The following MBNL2 variants were observed in gnomAD, a reference collection of about 807,000 sequenced individuals.
MBNL2 encodes muscleblind-like protein 2.
MBNL2 carries 17 observed loss-of-function variants against 41.9 expected under a neutral mutation model. The ratio of observed to expected loss-of-function variants is 0.41; its 90% confidence interval spans 0.28 to 0.61. The LOEUF (loss-of-function observed/expected upper bound fraction) is 0.61, where lower values mean the gene tolerates loss of function less well. Ranked by LOEUF, MBNL2 falls within the 20% of genes least tolerant of loss-of-function variation. The pLI is 0.35. For missense variants in MBNL2, 336 were observed against 505.6 expected (o/e 0.66, Z 3.22); for synonymous variants, 195 against 182.9 (o/e 1.07, Z -0.53).
At chr13:97,225,752 C>A (rs762823615) in intron 1 of MBNL2, among the ~76,000 whole-genome samples, 15 of 152,062 alleles carry the variant, frequency 9.9e-5, no homozygotes, top group Non-Finnish European at 2.1e-4. Flanking sequence ...GCCCTGTTCA[C>A]GAAATCTGCT....
At chr13:97,191,185 G>T in the MBNL2 span, among the ~76,000 whole-genome samples, 1 of 151,658 alleles carries the variant, frequency 6.6e-6, no homozygotes, top group Non-Finnish European at 1.5e-5. Context: ...TGGTTGTGAG[G>T]CAGCCAGGTG....
intron 8 of MBNL2, among the ~76,000 whole-genome samples, chr13:97,379,540 G>C (rs2065245585): frequency 6.6e-6 from 1 of 152,258 alleles, no homozygotes; most frequent in African/African-American, 2.4e-5. Context: ...ACTGTAAAGG[G>C]AACAACTAGA....
intron 2 of MBNL2, among the ~76,000 whole-genome samples, chr13:97,314,506 G>T (rs1261783147): frequency 6.6e-6 from 1 of 152,124 alleles, no homozygotes; most frequent in Admixed American, 6.5e-5. Context: ...TGTGCTCATT[G>T]TCTTGTCTCT....
chr13:97,210,571 A>ATTTTTTTT, the MBNL2 span, among the ~76,000 whole-genome samples: 9 of 65,464 alleles, frequency 1.4e-4, 3 homozygotes, highest in African/African-American at 5.7e-4. Context: ...ACAACTGTGA[A>ATTTTTTTT]TTTTTTTTTT....
intron 2 of MBNL2, among the ~76,000 whole-genome samples, chr13:97,306,037 G>C (rs968837912): frequency 4.6e-5 from 7 of 152,204 alleles, no homozygotes; most frequent in African/African-American, 1.4e-4. Context: ...CCCTCACTGA[G>C]CAGCTTCCAC....
chr13:97,371,166 G>T (rs1213125236), intron 8 of MBNL2, among the ~76,000 whole-genome samples: 2 of 152,068 alleles, frequency 1.3e-5, no homozygotes, highest in Non-Finnish European at 2.9e-5. Context: ...TTATTTCAAA[G>T]TTACATTCTA....
intron 2 of MBNL2, among the ~76,000 whole-genome samples, chr13:97,321,280 G>A (rs747988005): frequency 1.1e-4 from 16 of 152,302 alleles, no homozygotes; most frequent in East Asian, 9.7e-4. Flanking sequence ...AGCTAGTCCC[G>A]GAAACCCCCT....
chr13:97,157,185 G>T, the MBNL2 span, among the ~76,000 whole-genome samples: 1 of 144,758 alleles, frequency 6.9e-6, no homozygotes, highest in Non-Finnish European at 1.5e-5. Context: ...TCATGATTTG[G>T]CTCTCTGTTT....
the MBNL2 span, among the ~76,000 whole-genome samples, chr13:97,170,173 C>T: frequency 1.3e-5 from 2 of 152,270 alleles, no homozygotes; most frequent in African/African-American, 4.8e-5. Context: ...ATCTTAAATT[C>T]TACATGCTGA....
At chr13:97,391,053 A>T (rs1296880719) in intron 8 of MBNL2, among the ~76,000 whole-genome samples, 2 of 152,192 alleles carry the variant, frequency 1.3e-5, no homozygotes, top group Non-Finnish European at 2.9e-5. Flanking sequence ...CTAAACATGC[A>T]TGCCTCTCTA....
At chr13:97,233,345 C>G (rs12583186) in intron 1 of MBNL2, among the ~76,000 whole-genome samples, 2 of 100,198 alleles carry the variant, frequency 2.0e-5, no homozygotes, top group East Asian at 3.0e-4. Flanking sequence ...ACAGGCCCCG[C>G]TGTGTGATGT....
intron 1 of MBNL2, among the ~76,000 whole-genome samples, chr13:97,251,242 A>C (rs1470054935): frequency 6.6e-6 from 1 of 151,298 alleles, no homozygotes; most frequent in African/African-American, 2.4e-5. Context: ...GTTAAAAATA[A>C]CTAAAGGGGT....
At chr13:97,187,751 C>CA in the MBNL2 span, among the ~76,000 whole-genome samples, 118 of 151,682 alleles carry the variant, frequency 7.8e-4, 1 homozygote, top group African/African-American at 2.7e-3. Flanking sequence ...ACTAAAAATA[C>CA]AAAAAATTAG....
chr13:97,158,837 A>AGGTGT, the MBNL2 span, among the ~76,000 whole-genome samples: 1 of 151,970 alleles, frequency 6.6e-6, no homozygotes, highest in African/African-American at 2.4e-5. Flanking sequence ...AGTTTGGAAT[A>AGGTGT]GGTGTGGTGT....
At chr13:97,240,834 C>A (rs902822631) in intron 1 of MBNL2, among the ~76,000 whole-genome samples, 1 of 152,170 alleles carries the variant, frequency 6.6e-6, no homozygotes, top group African/African-American at 2.4e-5. Context: ...GAAAATGAAG[C>A]ACTTGAACGA....
chr13:97,210,536 A>G, the MBNL2 span, among the ~76,000 whole-genome samples: 4 of 149,838 alleles, frequency 2.7e-5, no homozygotes, highest in East Asian at 3.9e-4. Flanking sequence ...ATAACTATAC[A>G]TAAACACAAT....
At position 97,235,978 on chromosome 13, in the gene MBNL2, C is replaced by T. The variant is rs1298905214; in HGVS notation, c.-605+13447C>T. On this transcript the variant is annotated intron_variant, in intron 1 of 8. Coordinates refer to ENST00000679496, the MANE Select transcript of MBNL2 (RefSeq NM_001382683.1). Reference sequence around the variant, plus strand: ...ACCGTCAGCCTATCCGCAAATTTGACGGTGATGGGCGTTGGAGCTGACCTG... The same window carrying T: ...ACCGTCAGCCTATCCGCAAATTTGATGGTGATGGGCGTTGGAGCTGACCTG... Among the ~76,000 whole-genome samples, 4 of 152,030 alleles carry T rather than the reference C, an allele frequency of 2.6e-5. No homozygotes were observed. The East Asian group carries it at 5.8e-4, about 22-fold the overall frequency.
the MBNL2 span, among the ~76,000 whole-genome samples, chr13:97,176,633 C>A: frequency 3.9e-5 from 6 of 152,078 alleles, no homozygotes; most frequent in Non-Finnish European, 8.8e-5. Context: ...TACAGCTTAG[C>A]CTGCATAAGA....
chr13:97,236,413 C>G (rs2043282895), intron 1 of MBNL2, among the ~76,000 whole-genome samples: 1 of 151,880 alleles, frequency 6.6e-6, no homozygotes, highest in Admixed American at 6.6e-5. Context: ...AGGGGGTGCT[C>G]CTGGGGCTCT....
Sources: allele counts gnomAD v4.1 joint callset (sites outside exome capture counted in the v4.1 genomes callset), GRCh38; gene constraint gnomAD v4.1.1; transcripts MANE v1.5; gene names NCBI Gene and HGNC (gene_info 2026-07-23, HGNC 2026-07-21).